The following CSMD1 variants were observed in gnomAD, a reference collection of about 807,000 sequenced individuals.
The protein encoded by CSMD1 is CUB and Sushi multiple domains 1.
Under a neutral mutation model 417.5 loss-of-function variants are expected in CSMD1, and 213 were observed. The observed-to-expected ratio is 0.51, with a 90% CI of 0.46 to 0.57. The LOEUF is 0.57. Ranked by LOEUF, CSMD1 falls within the 20% of genes least tolerant of loss-of-function variation. The pLI, the probability that CSMD1 is intolerant of heterozygous loss-of-function variation, is 0.00. For synonymous variants in CSMD1, 2,862 were observed against 1,736.8 expected (o/e 1.65, Z -16.11); for missense variants, 6,923 against 4,529.7 (o/e 1.53, Z -15.17).
At position 3,684,190 on chromosome 8, in the gene CSMD1, A is replaced by G. The variant is rs1163465321; in HGVS notation, c.1009+24224T>C. Among the ~76,000 whole-genome samples the G allele has an allele frequency of 3.2e-4, 23 of 72,130 alleles. No individual in the cohort carries two copies. The Admixed American group carries it at 4.5e-3, about 14-fold the overall frequency. The allele number at this position is 72,130 out of a possible 152,430, so 47.3% of individuals were successfully genotyped here. On this transcript the variant is annotated intron_variant, in intron 7 of 69. Transcript: ENST00000635120. ...TATATATTTACATGTTACATGTAAT[A>G]TATATAACATGTAATTATATATAAT...
At chr8:3,993,595 G>A (rs1422427533) in intron 5 of CSMD1, among the ~76,000 whole-genome samples, 2 of 152,184 alleles carry the variant, frequency 1.3e-5, no homozygotes, top group South Asian at 2.1e-4. Context: ...TCACCCCAGA[G>A]TTTCCCTTGT....
intron 7 of CSMD1, among the ~76,000 whole-genome samples, chr8:3,635,573 T>C (rs1316499028): frequency 6.9e-6 from 1 of 144,888 alleles, no homozygotes; most frequent in South Asian, 2.4e-4. Context: ...AAGCTACACA[T>C]CCCAGGTTCA....
rs188420303 is a variant in CSMD1, at chr8:4,161,868, C to T, written c.416-129769G>A. On this transcript the variant is annotated intron_variant, in intron 3 of 69. Coordinates refer to ENST00000635120, the MANE Select transcript of CSMD1 (RefSeq NM_033225.6). Reference sequence around the variant, plus strand: ...TTTTTCTTTGCCATAGAATTTAATTCTTTTAGATTTTATAATGGTTCAGTA... The same window carrying T: ...TTTTTCTTTGCCATAGAATTTAATTTTTTTAGATTTTATAATGGTTCAGTA... Among the ~76,000 whole-genome samples the T allele has an allele frequency of 4.5e-3, 685 of 152,134 alleles. 4 individuals are homozygous for T. Among genetic ancestry groups the T allele is most frequent in the Non-Finnish European group, 7.4e-3 (503 of 67,978 alleles).
intron 8 of CSMD1, among the ~76,000 whole-genome samples, chr8:3,590,818 A>G (rs1157926153): frequency 6.6e-6 from 1 of 152,190 alleles, no homozygotes; most frequent in Non-Finnish European, 1.5e-5. Context: ...TAAGACCCCA[A>G]TTCTAATTTA....
At chr8:4,396,325 G>T (rs1455840254) in intron 3 of CSMD1, among the ~76,000 whole-genome samples, 1 of 151,692 alleles carries the variant, frequency 6.6e-6, no homozygotes, top group Admixed American at 6.6e-5. Flanking sequence ...AAAATAGCCA[G>T]GCATGGTAGC....
intron 1 of CSMD1, among the ~76,000 whole-genome samples, chr8:4,882,108 T>G (rs991746550): frequency 6.6e-6 from 1 of 150,378 alleles, no homozygotes; most frequent in African/African-American, 2.5e-5. Flanking sequence ...CACAGTATTT[T>G]GTAAAATAAA....
intron 3 of CSMD1, among the ~76,000 whole-genome samples, chr8:4,312,375 A>AT (rs1427934309): frequency 1.1e-4 from 7 of 62,644 alleles, no homozygotes; most frequent in Admixed American, 6.7e-4. Flanking sequence ...TTAATGGAAC[A>AT]AATATATATA....
chr8:3,804,955 T>C (rs2720878), intron 5 of CSMD1, among the ~76,000 whole-genome samples: 48,074 of 152,072 alleles, frequency 0.32, 7,676 homozygotes, highest in Middle Eastern at 0.37. Context: ...TCTCCACCTC[T>C]GTGGCCAGAG....
chr8:4,815,686 A>G (rs575214803), intron 1 of CSMD1, among the ~76,000 whole-genome samples: 2 of 139,442 alleles, frequency 1.4e-5, no homozygotes, highest in African/African-American at 5.7e-5. Context: ...ACAAGACCAA[A>G]GCTGTCTCAA....
At chr8:4,319,610 G>C (rs535699850) in intron 3 of CSMD1, among the ~76,000 whole-genome samples, 1 of 152,256 alleles carries the variant, frequency 6.6e-6, no homozygotes, top group South Asian at 2.1e-4. Context: ...ATTCCTGAGA[G>C]AAGAAAACAA....
chr8:4,077,295 G>GGGTATATA (rs1554439869), intron 3 of CSMD1, among the ~76,000 whole-genome samples: 1 of 88,900 alleles, frequency 1.1e-5, no homozygotes, highest in African/African-American at 4.3e-5. Flanking sequence ...ATATATATAT[G>GGGTATATA]TGTATATATA....
chr8:4,301,065 G>A (rs776375443), intron 3 of CSMD1, among the ~76,000 whole-genome samples: 4 of 152,180 alleles, frequency 2.6e-5, no homozygotes, highest in Non-Finnish European at 5.9e-5. Context: ...AGCCAAATCA[G>A]GACTGTAAAG....
intron 1 of CSMD1, among the ~76,000 whole-genome samples, chr8:4,888,638 G>C (rs543722517): frequency 8.5e-5 from 13 of 152,176 alleles, no homozygotes; most frequent in Non-Finnish European, 1.5e-4. Flanking sequence ...TTGGTAAACA[G>C]ATCTTCACCA....
intron 7 of CSMD1, among the ~76,000 whole-genome samples, chr8:3,669,070 C>A (rs1258944782): frequency 1.3e-5 from 2 of 152,086 alleles, no homozygotes; most frequent in African/African-American, 4.8e-5. Flanking sequence ...AAGGAACGAC[C>A]CCACTAGAAA....
chr8:3,940,503 G>GTC (rs1307535604), intron 5 of CSMD1, among the ~76,000 whole-genome samples: 1 of 66,338 alleles, frequency 1.5e-5, no homozygotes, highest in Non-Finnish European at 3.4e-5. Context: ...TCCTCTGTGT[G>GTC]TGTGTGTGTG....
chr8:4,097,459 T>G (rs529805363), intron 3 of CSMD1, among the ~76,000 whole-genome samples: 16 of 152,174 alleles, frequency 1.1e-4, no homozygotes, highest in African/African-American at 3.4e-4. Context: ...TTAAAGGGGG[T>G]TGTAATAATT....
At chr8:3,720,293 C>T (rs756372154) in intron 6 of CSMD1, among the ~76,000 whole-genome samples, 2 of 151,992 alleles carry the variant, frequency 1.3e-5, no homozygotes, top group African/African-American at 4.8e-5. Flanking sequence ...ATAGAGCTTA[C>T]AGAAGAAAAA....
At chr8:4,784,196 T>A (rs1264874483) in intron 1 of CSMD1, among the ~76,000 whole-genome samples, 1 of 152,232 alleles carries the variant, frequency 6.6e-6, no homozygotes, top group Non-Finnish European at 1.5e-5. Flanking sequence ...ACAAAATGAA[T>A]ATTTTATTTG....
intron 2 of CSMD1, among the ~76,000 whole-genome samples, chr8:4,465,768 C>T (rs551948755): frequency 2.8e-4 from 42 of 152,272 alleles, no homozygotes; most frequent in Admixed American, 9.8e-4. Flanking sequence ...ATTATTTTCT[C>T]ACCTCTGAGA....
Sources: allele counts gnomAD v4.1 joint callset (sites outside exome capture counted in the v4.1 genomes callset), GRCh38; gene constraint gnomAD v4.1.1; transcripts MANE v1.5; gene names NCBI Gene and HGNC (gene_info 2026-07-23, HGNC 2026-07-21).